Variants in SAMMSON observed in about 807,000 individuals in gnomAD.
SAMMSON encodes long intergenic non-protein coding RNA 1212.
chr3:70,119,842 A>G (rs894792852), intron 4 of SAMMSON, among the ~76,000 whole-genome samples: 19 of 152,226 alleles, frequency 1.2e-4, no homozygotes, highest in Non-Finnish European at 2.8e-4. Context: ...ATATATATGT[A>G]ACTAATACAA....
At chr3:70,157,248 A>G (rs552438058) in intron 4 of SAMMSON, among the ~76,000 whole-genome samples, 16 of 152,212 alleles carry the variant, frequency 1.1e-4, no homozygotes, top group African/African-American at 3.8e-4. Context: ...CAGGGAGAGT[A>G]ATTGTCAAAT....
intron 9 of SAMMSON, among the ~76,000 whole-genome samples, chr3:70,368,211 C>T (rs1702936195): frequency 6.6e-6 from 1 of 151,318 alleles, no homozygotes; most frequent in Non-Finnish European, 1.5e-5. Context: ...TAGATTTCAT[C>T]CAATGTTTTC....
intron 4 of SAMMSON, among the ~76,000 whole-genome samples, chr3:70,083,871 T>C (rs2067276321): frequency 6.6e-6 from 1 of 152,166 alleles, no homozygotes; most frequent in South Asian, 2.1e-4. Context: ...GTTGTCTGTC[T>C]TTCTAGTGAA....
At chr3:70,203,981 A>G (rs1701267114) in intron 4 of SAMMSON, among the ~76,000 whole-genome samples, 1 of 152,158 alleles carries the variant, frequency 6.6e-6, no homozygotes, top group African/African-American at 2.4e-5. Flanking sequence ...GTAATAAAGT[A>G]ATGTTTCAGC....
rs1352501642 is a variant in SAMMSON, at chr3:70,086,847, C to T, written n.507+15282C>T. On this transcript the variant is annotated intron_variant and non_coding_transcript_variant, in intron 4 of 9. Transcript: ENST00000642114. ...AATGTAGTGTCCTCAGTAATTTACA[C>T]ATGTATGGGTTTATTCATTTAATCC... is the stretch of plus-strand genomic sequence containing the variant. Among the ~76,000 whole-genome samples, 6 of 152,190 alleles carry T rather than the reference C, an allele frequency of 3.9e-5. No individual in the cohort carries two copies. The South Asian group carries it at 6.2e-4, about 16-fold the overall frequency.
chr3:70,057,693 C>G (rs2067173290), intron 3 of SAMMSON, among the ~76,000 whole-genome samples: 1 of 151,570 alleles, frequency 6.6e-6, no homozygotes, highest in Admixed American at 6.6e-5. Flanking sequence ...AAATTCCACT[C>G]TACAATCATG....
chr3:70,174,104 A>G (rs868282990), intron 4 of SAMMSON, among the ~76,000 whole-genome samples: 1 of 151,994 alleles, frequency 6.6e-6, no homozygotes. Flanking sequence ...TTAATCTCAT[A>G]TAATTCTTAG....
chr3:70,103,050 A>C (rs2067352161), intron 4 of SAMMSON, among the ~76,000 whole-genome samples: 1 of 152,160 alleles, frequency 6.6e-6, no homozygotes, highest in East Asian at 1.9e-4. Flanking sequence ...TATGTAAAGC[A>C]GGCCAAGGTT....
chr3:70,028,147 C>CG (rs1355166698), intron 3 of SAMMSON, among the ~76,000 whole-genome samples: 1 of 37,564 alleles, frequency 2.7e-5, no homozygotes, highest in African/African-American at 6.0e-5. Context: ...TCCTTCTTTC[C>CG]TTCCTTCCTT....
At chr3:70,086,689 A>G (rs893158892) in intron 4 of SAMMSON, among the ~76,000 whole-genome samples, 4 of 152,124 alleles carry the variant, frequency 2.6e-5, no homozygotes, top group Non-Finnish European at 4.4e-5. Context: ...AGCCCCCTTA[A>G]TCTGGGGCTA....
At chr3:70,053,384 A>G (rs1226612113) in intron 3 of SAMMSON, among the ~76,000 whole-genome samples, 1 of 152,134 alleles carries the variant, frequency 6.6e-6, no homozygotes, top group African/African-American at 2.4e-5. Flanking sequence ...TATCACTGTG[A>G]TCATGAAGAC....
intron 2 of SAMMSON, among the ~76,000 whole-genome samples, chr3:70,421,300 C>A (rs1701311306): frequency 2.0e-5 from 3 of 152,078 alleles, no homozygotes; most frequent in Admixed American, 2.0e-4. Flanking sequence ...TGACAAACAG[C>A]TTTAGATCTG....
chr3:70,133,750 G>A (rs905942309), intron 4 of SAMMSON, among the ~76,000 whole-genome samples: 6 of 152,092 alleles, frequency 3.9e-5, no homozygotes, highest in African/African-American at 1.4e-4. Flanking sequence ...TCAAAGAATT[G>A]ATGTGTACTG....
chr3:70,031,265 G>A (rs57762086), intron 3 of SAMMSON, among the ~76,000 whole-genome samples: 5,832 of 151,954 alleles, frequency 0.038, 330 homozygotes, highest in African/African-American at 0.12. Flanking sequence ...TAAAAACATT[G>A]CACTGAATGA....
At chr3:70,077,412 T>C (rs1271883020) in intron 4 of SAMMSON, among the ~76,000 whole-genome samples, 1 of 152,164 alleles carries the variant, frequency 6.6e-6, no homozygotes, top group African/African-American at 2.4e-5. Context: ...ATATGTTTTT[T>C]GAAGCAAGGA....
chr3:70,186,979 C>T (rs546401744), intron 4 of SAMMSON, among the ~76,000 whole-genome samples: 2 of 152,156 alleles, frequency 1.3e-5, no homozygotes, highest in Non-Finnish European at 2.9e-5. Context: ...AATGTCTTCT[C>T]CTGTTCTAGC....
chr3:70,254,446 C>A (rs181525773), intron 6 of SAMMSON, among the ~76,000 whole-genome samples: 39 of 152,194 alleles, frequency 2.6e-4, no homozygotes, highest in Non-Finnish European at 1.2e-4. Flanking sequence ...CCATTTTAGA[C>A]ACAAAGGGCG....
At chr3:70,342,225 C>T (rs1179647884) in intron 7 of SAMMSON, among the ~76,000 whole-genome samples, 1 of 152,296 alleles carries the variant, frequency 6.6e-6, no homozygotes, top group Non-Finnish European at 1.5e-5. Context: ...ACAGAATGCA[C>T]TGTTTTTTTC....
chr3:70,399,146 T>C (rs1305316187), intron 2 of SAMMSON, among the ~76,000 whole-genome samples: 1 of 152,194 alleles, frequency 6.6e-6, no homozygotes, highest in Admixed American at 6.5e-5. Context: ...TCCCCTCCTC[T>C]TTTCTCCTTT....
Sources: allele counts gnomAD v4.1 joint callset (sites outside exome capture counted in the v4.1 genomes callset), GRCh38; gene constraint gnomAD v4.1.1; transcripts MANE v1.5; gene names NCBI Gene and HGNC (gene_info 2026-07-23, HGNC 2026-07-21).